The following OSBPL5 variants were observed in gnomAD, a reference collection of about 807,000 sequenced individuals.
The protein encoded by OSBPL5 is oxysterol binding protein like 5, also known as oxysterol-binding protein-related protein 5.
A neutral mutation model predicts 111.2 loss-of-function variants in OSBPL5; 71 were observed. The ratio of observed to expected loss-of-function variants is 0.64; its 90% CI spans 0.53 to 0.78. OSBPL5 has a LOEUF of 0.78. OSBPL5 is among the 30% of genes least tolerant of loss of function. The pLI is 0.00. For missense variants in OSBPL5, 1,210 were observed against 1,189.3 expected (o/e 1.02, Z -0.26); for synonymous variants, 549 against 513.9 (o/e 1.07, Z -0.93).
Position 3,103,756 on chromosome 11 carries a change from G to GTCTGCGCAGCCCCCTTCCTGC in OSBPL5, c.1244+436_1245-436insGCAGGAAGGGGGCTGCGCAGA, listed in dbSNP as rs1554896274. ...TTCCTGCCTCTGCAACCCTCTTCCA[G>GTCTGCGCAGCCCCCTTCCTGC]CTCTGCAGCCCCCTTCCAGCCTCTG... On this transcript the variant is annotated intron_variant, in intron 10 of 21. Coordinates refer to ENST00000263650, the MANE Select transcript of OSBPL5 (RefSeq NM_020896.4). Among the ~76,000 whole-genome samples, 24 of 56,856 alleles carry GTCTGCGCAGCCCCCTTCCTGC rather than the reference G, an allele frequency of 4.2e-4. 2 individuals are homozygous for GTCTGCGCAGCCCCCTTCCTGC. The highest frequency in any genetic ancestry group is 8.0e-4 in the Non-Finnish European group (21 of 26,352). The allele number at this position is 56,856 out of a possible 152,430, so 37.3% of individuals were successfully genotyped here. A position where few individuals can be genotyped will look rare whatever the true frequency, so the allele number is the denominator to read the frequency against.
rs556253567 is a variant in OSBPL5 at position 3,130,898 on chromosome 11, C to T, written c.-21-1729G>A. 1.1e-3 allele frequency among the ~76,000 whole-genome samples: 163 copies of T among 152,138 alleles called. No homozygotes were observed. The highest frequency in any genetic ancestry group is 2.1e-3 in the Non-Finnish European group (140 of 68,006). On this transcript the variant is annotated intron_variant, in intron 1 of 21. Coordinates refer to ENST00000263650, the MANE Select transcript of OSBPL5 (RefSeq NM_020896.4). This position sits in a 1 kb window ranked among gnomAD's most constrained non-coding sequence, Gnocchi z 4.5. The stretch of plus-strand genomic sequence containing the variant: ...TGGGAACCAGCAGCTGAGCGGAGGC[C>T]GGGCTTACTCAGACAGCTGAGATTT...
At position 3,121,986 on chromosome 11, in the gene OSBPL5, G is replaced by A. The variant is rs571099195; in HGVS notation, c.402+11C>T. The A allele has an allele frequency of 7.7e-6, 12 of 1,552,406 alleles. 1 individual carries two copies. In the East Asian group the frequency reaches 2.4e-4, roughly 31 times the overall value. Reference sequence around the variant, plus strand: ...CGTGTCCTGGGTGGCCGGAGGCCGGGCATCACCTACCTTCAGGCTGTCAGC... The same window carrying A: ...CGTGTCCTGGGTGGCCGGAGGCCGGACATCACCTACCTTCAGGCTGTCAGC... On this transcript the variant is annotated intron_variant, in intron 5 of 21. Coordinates refer to ENST00000263650, the MANE Select transcript of OSBPL5 (RefSeq NM_020896.4). This position sits in a 1 kb window ranked among gnomAD's most constrained non-coding sequence, Gnocchi z 4.3.
intron 1 of OSBPL5, among the ~76,000 whole-genome samples, chr11:3,153,088 A>AG (rs968000054): frequency 6.6e-6 from 1 of 152,046 alleles, no homozygotes; most frequent in Non-Finnish European, 1.5e-5. Flanking sequence ...CCCAGGCGCC[A>AG]GGGGGTCCCG....
chr11:3,100,161 T>C lies in OSBPL5; in HGVS notation c.1618A>G (p.Lys540Glu). 1 of 1,614,092 alleles carries C rather than the reference T, an allele frequency of 6.2e-7. No homozygotes were observed. Among genetic ancestry groups the C allele is most frequent in the East Asian group, 2.2e-5 (1 of 44,890 alleles). Residue 540 changes from lysine to glutamate, a missense_variant, in exon 14 of 22, where the codon AAA becomes GAA. Coordinates refer to ENST00000263650, the MANE Select transcript of OSBPL5 (RefSeq NM_020896.4). ...YTLTMPYAHC[K>E]GILYGTMTLE... ...AGTGTGTGGCTGAGCCTCTCACCTTTGCAGTGGGCGTAGGGCATGGTAAGG... is the reference window on the plus strand; with the variant it reads ...AGTGTGTGGCTGAGCCTCTCACCTTCGCAGTGGGCGTAGGGCATGGTAAGG...
At position 3,088,255 on chromosome 11, in the gene OSBPL5, G is replaced by T. The variant is rs769143190; in HGVS notation, c.2590C>A (p.Leu864Ile). The T allele has an allele frequency of 5.0e-6, 8 of 1,607,022 alleles. No homozygotes were observed. The East Asian group carries it at 1.8e-4, about 36-fold the overall frequency. ...LLQSPRSWFL[L>I]CVFLACQLFI... ...AGCTGACACGCCAGGAACACGCAGAGCAGGAACCAGGATCGGGGGCTCTGC... is the reference window on the plus strand; with the variant it reads ...AGCTGACACGCCAGGAACACGCAGATCAGGAACCAGGATCGGGGGCTCTGC... The change falls in exon 22 of 22, where the codon CTC becomes ATC. Residue 864 changes from leucine (L) to isoleucine (I), a missense_variant. Physicochemically the swap from Leu to Ile is conservative, Grantham distance 5 (BLOSUM62 2). Transcript: ENST00000263650.
intron 17 of OSBPL5, 200 bp from the exon 18 acceptor site, chr11:3,093,252 C>G: frequency 2.7e-6 from 2 of 742,512 alleles, no homozygotes; most frequent in Non-Finnish European, 4.2e-6. Context: ...GAGCTCCCAT[C>G]TCCCGCCTGC....
Position 3,092,406 on chromosome 11 carries a change from C to G in OSBPL5, c.2259+26G>C. The stretch of plus-strand genomic sequence containing the variant: ...GCCACACGTGCAGCTAAGACCAGCC[C>G]TGGGTGGGGCCTGTGGGGTGCTGAC... On this transcript the variant is annotated intron_variant, in intron 19 of 21. Transcript: ENST00000263650. The surrounding 1 kb of genome is among the most constrained non-coding windows in gnomAD (Gnocchi z 5.4). 1 of 1,558,724 alleles carries G rather than the reference C, an allele frequency of 6.4e-7. No individual in the cohort carries two copies. The highest frequency in any genetic ancestry group is 8.7e-7 in the Non-Finnish European group (1 of 1,149,258).
At position 3,103,530 on chromosome 11, in the gene OSBPL5, G is replaced by A. The variant is rs540772028; in HGVS notation, c.1245-210C>T. Among the ~76,000 whole-genome samples, 4 of 152,314 alleles carry A rather than the reference G, an allele frequency of 2.6e-5. No homozygotes were observed. The East Asian group carries it at 5.8e-4, about 22-fold the overall frequency. On this transcript the variant is annotated intron_variant, in intron 10 of 21. Transcript: ENST00000263650. Reference sequence around the variant, plus strand: ...CAGAAAGTGCCAGGGCTGCTCCCACGCTGGGGCAGAGAGGACACTGCTGAC... The same window carrying A: ...CAGAAAGTGCCAGGGCTGCTCCCACACTGGGGCAGAGAGGACACTGCTGAC...
rs1301120406 is a variant in OSBPL5 at position 3,104,449 on chromosome 11, C to T, written c.1060-72G>A. The T allele has an allele frequency of 7.1e-6, 11 of 1,543,758 alleles. No individual in the cohort carries two copies. In the South Asian group the frequency reaches 1.2e-4, roughly 16 times the overall value. On this transcript the variant is annotated intron_variant, in intron 9 of 21. Coordinates refer to ENST00000263650, the MANE Select transcript of OSBPL5 (RefSeq NM_020896.4). The surrounding 1 kb of genome is among the most constrained non-coding windows in gnomAD (Gnocchi z 5.0). Reference sequence around the variant, plus strand: ...GGAAGGGGTGGCGGGACAGTGGCAGCTCTGGCTGGAGGAGGCTGTACCTGC... The same window carrying T: ...GGAAGGGGTGGCGGGACAGTGGCAGTTCTGGCTGGAGGAGGCTGTACCTGC...
At position 3,107,064 on chromosome 11, in the gene OSBPL5, C is replaced by T. The variant is rs7934884; in HGVS notation, c.1059+199G>A. Among the ~76,000 whole-genome samples, 56,139 of 152,146 alleles carry T rather than the reference C, an allele frequency of 0.37. 13,005 individuals are homozygous for T. Among genetic ancestry groups the T allele is most frequent in the East Asian group, 0.79 (4,064 of 5,154 alleles). On this transcript the variant is annotated intron_variant, in intron 9 of 21. Transcript: ENST00000263650. This position sits in a 1 kb window ranked among gnomAD's most constrained non-coding sequence, Gnocchi z 6.1. ...GCATGCCAGCCAGCCAGCCAGCCAGCGGGGCAGCCTCTTTGGAAGACGGGA... is the reference window on the plus strand; with the variant it reads ...GCATGCCAGCCAGCCAGCCAGCCAGTGGGGCAGCCTCTTTGGAAGACGGGA...
At chr11:3,101,774 C>A in intron 12 of OSBPL5, 75 bp from the exon 13 acceptor site, 8 of 1,246,856 alleles carry the variant, frequency 6.4e-6, no homozygotes, top group African/African-American at 1.5e-5. Context: ...CAGCTTCCCC[C>A]AAAAAACCTG....
Position 3,146,683 on chromosome 11 carries a change from A to C in OSBPL5, c.-21-17514T>G, listed in dbSNP as rs1354451794. 6.6e-6 allele frequency: 1 copy of C among 151,986 alleles called. No individual in the cohort carries two copies. Among genetic ancestry groups the C allele is most frequent in the Non-Finnish European group, 1.5e-5 (1 of 68,136 alleles). 9.4% of individuals were successfully genotyped at this position (151,986 alleles called of 1,614,324 possible). A position where few individuals can be genotyped will look rare whatever the true frequency, so the allele number is the denominator to read the frequency against. ...GTGCCTGAGTGCAGGGGGAGAGGCC[A>C]GCTCCAGGCTGCAGGCTTCTCTCTG... On this transcript the variant is annotated intron_variant, in intron 1 of 21. Coordinates refer to ENST00000263650, the MANE Select transcript of OSBPL5 (RefSeq NM_020896.4). This position sits in a 1 kb window ranked among gnomAD's most constrained non-coding sequence, Gnocchi z 7.8.
In OSBPL5 at chr11:3,130,740, G is replaced by A. The variant is rs963206025; in HGVS notation, c.-21-1571C>T. 1.3e-5 allele frequency among the ~76,000 whole-genome samples: 2 copies of A among 152,204 alleles called. No individual in the cohort carries two copies. Among genetic ancestry groups the A allele is most frequent in the Non-Finnish European group, 1.5e-5 (1 of 68,034 alleles). On this transcript the variant is annotated intron_variant, in intron 1 of 21. Coordinates refer to ENST00000263650, the MANE Select transcript of OSBPL5 (RefSeq NM_020896.4). The surrounding 1 kb of genome is among the most constrained non-coding windows in gnomAD (Gnocchi z 4.5). ...GTGGAACCGATCCTAAAACCCAGCCGCTGAGTGTCTGCCCACTCAGTGTCT... is the reference window on the plus strand; with the variant it reads ...GTGGAACCGATCCTAAAACCCAGCCACTGAGTGTCTGCCCACTCAGTGTCT...
chr11:3,159,966 G>T (rs1846903920), intron 1 of OSBPL5, among the ~76,000 whole-genome samples: 1 of 152,148 alleles, frequency 6.6e-6, no homozygotes, highest in Admixed American at 6.5e-5. Context: ...GTCTTCCTCG[G>T]CTAGGCCTTC....
At chr11:3,098,693 C>T (rs1009100912) in intron 14 of OSBPL5, among the ~76,000 whole-genome samples, 8 of 151,652 alleles carry the variant, frequency 5.3e-5, no homozygotes, top group Non-Finnish European at 8.8e-5. Flanking sequence ...TTATTAGAGA[C>T]GGAGATTCTC....
At chr11:3,117,537 T>C (rs1367755800) in intron 7 of OSBPL5, among the ~76,000 whole-genome samples, 1 of 152,188 alleles carries the variant, frequency 6.6e-6, no homozygotes, top group Admixed American at 6.5e-5. Context: ...CCAAGTATAA[T>C]AAAGCAAACC....
At chr11:3,137,604 G>A (rs1845985196) in intron 1 of OSBPL5, among the ~76,000 whole-genome samples, 1 of 152,216 alleles carries the variant, frequency 6.6e-6, no homozygotes, top group Admixed American at 6.5e-5. Flanking sequence ...CTTGAGCCTA[G>A]GAGATCGAGA....
chr11:3,094,185 A>T, intron 15 of OSBPL5, 52 bp downstream of exon 15: 1 of 1,553,832 alleles, frequency 6.4e-7, no homozygotes, highest in Admixed American at 1.8e-5. Flanking sequence ...GGGATCCCCA[A>T]GGCTTCGTTC....
intron 1 of OSBPL5, among the ~76,000 whole-genome samples, chr11:3,147,110 G>T (rs576239124): frequency 6.8e-6 from 1 of 147,478 alleles, no homozygotes. Flanking sequence ...AACCACAGCC[G>T]TGTGACTCAC....
Sources: allele counts gnomAD v4.1 joint callset (sites outside exome capture counted in the v4.1 genomes callset), GRCh38; gene constraint gnomAD v4.1.1; non-coding constraint Gnocchi (gnomAD v3.1); transcripts MANE v1.5; gene names NCBI Gene and HGNC (gene_info 2026-07-23, HGNC 2026-07-21).